LPP: variants seen among roughly 807,000 people sequenced by gnomAD.
The protein encoded by LPP is lipoma-preferred partner.
LPP carries 38 observed loss-of-function variants against 60.4 expected under a neutral mutation model. That is an observed-to-expected ratio of 0.63 (90% CI 0.49 to 0.83). The LOEUF is 0.83. Among genes scored for constraint, LPP ranks in the 40% least tolerant of loss-of-function variants. The probability of loss-of-function intolerance (pLI) is 0.00; values close to 1 mark genes in which losing one functional copy is unlikely to be tolerated. For synonymous variants in LPP, 328 were observed against 290.8 expected, an observed-to-expected ratio of 1.13 and a Z score of -1.30; for missense variants, 902 against 783.6, an observed-to-expected ratio of 1.15 and a Z score of -1.80.
chr3:188,563,324 C>T (rs540235394), intron 6 of LPP, among the ~76,000 whole-genome samples: 142 of 151,936 alleles, frequency 9.3e-4, no homozygotes, highest in African/African-American at 3.4e-3. Flanking sequence ...TTGAACATAA[C>T]AGCCCTCCCT....
chr3:188,475,625 G>A (rs115963232), intron 4 of LPP, among the ~76,000 whole-genome samples: 4,751 of 152,244 alleles, frequency 0.031, 252 homozygotes, highest in African/African-American at 0.11. Flanking sequence ...AAAGCAGGCC[G>A]GGCGTGGTGG....
intron 9 of LPP, among the ~76,000 whole-genome samples, chr3:188,847,111 C>T (rs114953773): frequency 0.017 from 2,521 of 152,302 alleles, 25 homozygotes; most frequent in South Asian, 0.033. Context: ...AAGTAGAGTG[C>T]ACAATATCTG....
rs71169019 is a variant in LPP, at chr3:188,765,861, C to CTTTTTTTTTTTTTTT, written c.1410+5591_1410+5605dup. On this transcript the variant is annotated intron_variant, in intron 9 of 11. Coordinates refer to ENST00000617246, the MANE Select transcript of LPP (RefSeq NM_001375462.1). The stretch of plus-strand genomic sequence containing the variant: ...GCAACGTGCAACTTAATGTTCAACT[C>CTTTTTTTTTTTTTTT]TTTTTTTTTTTTTTTTTTTTTTTTT... Among the ~76,000 whole-genome samples the CTTTTTTTTTTTTTTT allele has an allele frequency of 6.5e-5, 6 of 92,618 alleles. 2 individuals carry two copies. Among genetic ancestry groups the CTTTTTTTTTTTTTTT allele is most frequent in the South Asian group, 9.7e-4 (2 of 2,070 alleles). The allele number at this position is 92,618 out of a possible 152,430, so 60.8% of individuals were successfully genotyped here. A position where few individuals can be genotyped will look rare whatever the true frequency, so the allele number is the denominator to read the frequency against.
At chr3:188,670,264 AAATT>A (rs1576946483) in intron 7 of LPP, among the ~76,000 whole-genome samples, 2 of 152,122 alleles carry the variant, frequency 1.3e-5, no homozygotes, top group South Asian at 2.1e-4. Context: ...ATAAAAAAAT[AAATT>A]AATTAGTTAA....
At chr3:188,275,282 T>C (rs1739243835) in intron 2 of LPP, among the ~76,000 whole-genome samples, 1 of 152,230 alleles carries the variant, frequency 6.6e-6, no homozygotes, top group Non-Finnish European at 1.5e-5. Context: ...CTTCTTTTCC[T>C]TTGTCCTAGA....
chr3:188,377,723 G>A (rs543004053), intron 3 of LPP, among the ~76,000 whole-genome samples: 30 of 152,240 alleles, frequency 2.0e-4, no homozygotes, highest in Admixed American at 4.6e-4. Context: ...GTCATTCTCC[G>A]TCCAGCTTTA....
intron 9 of LPP, among the ~76,000 whole-genome samples, chr3:188,824,406 G>A (rs1047136567): frequency 2.0e-5 from 3 of 152,138 alleles, no homozygotes; most frequent in Admixed American, 6.5e-5. Flanking sequence ...TTAGTCATAC[G>A]AGCCACATTT....
In LPP at chr3:188,609,047, T is replaced by A. The variant is rs1843071924; in HGVS notation, c.430-114T>A. ...GATTATGCCTTATTTGTGTTCTACATAGTAATAAATAATAATTAGCAGTTA... is the reference window on the plus strand; with the variant it reads ...GATTATGCCTTATTTGTGTTCTACAAAGTAATAAATAATAATTAGCAGTTA... On this transcript the variant is annotated intron_variant, in intron 6 of 11. Transcript: ENST00000617246. The surrounding 1 kb of genome is among the most constrained non-coding windows in gnomAD (Gnocchi z 6.9). 1 of 800,452 alleles carries A rather than the reference T, an allele frequency of 1.2e-6. No homozygotes were observed. The highest frequency in any genetic ancestry group is 1.8e-5 in the African/African-American group (1 of 56,946). The allele number at this position is 800,452 out of a possible 1,614,324, so 49.6% of individuals were successfully genotyped here.
intron 7 of LPP, among the ~76,000 whole-genome samples, chr3:188,692,611 C>T (rs994905356): frequency 9.9e-5 from 15 of 152,160 alleles, no homozygotes; most frequent in Admixed American, 5.2e-4. Flanking sequence ...CATTTTACTT[C>T]GGATTGATGG....
At chr3:188,307,539 T>C (rs1751924433) in intron 2 of LPP, among the ~76,000 whole-genome samples, 1 of 152,254 alleles carries the variant, frequency 6.6e-6, no homozygotes, top group Admixed American at 6.5e-5. Flanking sequence ...GAAAATTATG[T>C]GCATCTTTAC....
intron 7 of LPP, among the ~76,000 whole-genome samples, chr3:188,707,809 C>T (rs1365297236): frequency 6.6e-6 from 1 of 152,176 alleles, no homozygotes; most frequent in East Asian, 1.9e-4. Context: ...GCTCTGCTCC[C>T]TCTCTTCAGG....
At chr3:188,470,289 C>CAA in intron 4 of LPP, among the ~76,000 whole-genome samples, 1 of 86,394 alleles carries the variant, frequency 1.2e-5, no homozygotes, top group Non-Finnish European at 2.8e-5. Flanking sequence ...CATACACACA[C>CAA]ACACACACAC....
chr3:188,852,149 G>GT (rs1762815511), intron 9 of LPP, among the ~76,000 whole-genome samples: 1 of 152,198 alleles, frequency 6.6e-6, no homozygotes, highest in Admixed American at 6.5e-5. Flanking sequence ...GGGGGACAGA[G>GT]TGAGACTCTG....
chr3:188,321,672 A>G (rs1353771672), intron 2 of LPP, among the ~76,000 whole-genome samples: 1 of 152,156 alleles, frequency 6.6e-6, no homozygotes, highest in Non-Finnish European at 1.5e-5. Context: ...AAATCACAAC[A>G]TTTTGTGCTT....
intron 1 of LPP, among the ~76,000 whole-genome samples, chr3:188,158,810 C>G (rs1422021509): frequency 1.3e-5 from 2 of 152,162 alleles, no homozygotes; most frequent in Non-Finnish European, 2.9e-5. Flanking sequence ...TTTCTATGCC[C>G]ACATGCATGA....
intron 1 of LPP, among the ~76,000 whole-genome samples, chr3:188,221,319 G>A (rs1478038744): frequency 6.6e-6 from 1 of 152,174 alleles, no homozygotes; most frequent in Non-Finnish European, 1.5e-5. Context: ...TCAAAAGGAC[G>A]TTGCATGTAC....
At chr3:188,386,009 C>T (rs554747582) in intron 3 of LPP, among the ~76,000 whole-genome samples, 3 of 152,070 alleles carry the variant, frequency 2.0e-5, no homozygotes, top group African/African-American at 7.2e-5. Flanking sequence ...CCTAGTCCCA[C>T]CATTTTAATT....
intron 2 of LPP, among the ~76,000 whole-genome samples, chr3:188,234,981 T>C (rs900971622): frequency 1.3e-4 from 20 of 152,098 alleles, no homozygotes; most frequent in Non-Finnish European, 2.9e-5. Context: ...AAAAGCCCAA[T>C]TGCATGAGCA....
At chr3:188,203,187 TTATATATTA>T (rs200288297) in intron 1 of LPP, among the ~76,000 whole-genome samples, 427 of 118,852 alleles carry the variant, frequency 3.6e-3, no homozygotes, top group African/African-American at 0.013. Context: ...ATTTTATATA[TTATATATTA>T]TATATATTAA....
Sources: allele counts gnomAD v4.1 joint callset (sites outside exome capture counted in the v4.1 genomes callset), GRCh38; gene constraint gnomAD v4.1.1; non-coding constraint Gnocchi (gnomAD v3.1); transcripts MANE v1.5; gene names NCBI Gene and HGNC (gene_info 2026-07-23, HGNC 2026-07-21).